The following CCL17 variants were observed in gnomAD, a reference collection of about 807,000 sequenced individuals.
CCL17 encodes C-C motif chemokine 17.
Under a neutral mutation model 7.4 loss-of-function variants are expected in CCL17, and 8 were observed. That is an observed-to-expected ratio of 1.09 (90% CI 0.64 to 1.96). CCL17 has a LOEUF of 1.96. Ranked by LOEUF, CCL17 falls within the 30% of genes most tolerant of loss-of-function variation. The probability of loss-of-function intolerance (pLI) is 0.00; values close to 1 mark genes in which losing one functional copy is unlikely to be tolerated. For missense variants in CCL17, 102 were observed against 113.0 expected (o/e 0.90, Z 0.44); for synonymous variants, 40 against 46.1 (o/e 0.87, Z 0.54).
chr16:57,414,007 G>C lies in CCL17; in HGVS notation c.70+5G>C. ...CTCTGCAGCACATCCACGCAGGTGA[G>C]AGCAGGGGACAGGTGGCCAGGGGCA... On this transcript the variant is annotated splice_donor_5th_base_variant and intron_variant, in intron 2 of 3. Coordinates refer to ENST00000219244, the MANE Select transcript of CCL17 (RefSeq NM_002987.3). 6.2e-7 allele frequency: 1 copy of C among 1,610,288 alleles called. No homozygotes were observed.
the CCL17 span, among the ~76,000 whole-genome samples, chr16:57,397,544 C>T: frequency 1.3e-5 from 2 of 151,642 alleles, no homozygotes; most frequent in African/African-American, 4.8e-5. Flanking sequence ...TGACGGTTTC[C>T]TTCTGCCTTT....
Position 57,415,809 on chromosome 16 carries a change from A to G in CCL17, c.233A>G (p.Asn78Ser). 1.9e-6 allele frequency: 3 copies of G among 1,613,788 alleles called. No homozygotes were observed. The highest frequency in any genetic ancestry group is 2.5e-6 in the Non-Finnish European group (3 of 1,179,662). The change falls in exon 4 of 4, where the codon AAC becomes AGC. Residue 78 changes from asparagine (N) to serine (S), a missense_variant. Transcript: ENST00000219244. This position sits in a 1 kb window ranked among gnomAD's most constrained non-coding sequence, Gnocchi z 4.5. Reference protein sequence around the residue: ...QGRAICSDPNNKRVKNAVKYL... With the variant: ...QGRAICSDPNSKRVKNAVKYL... ...AGGGCCATCTGTTCGGACCCCAACAACAAGAGAGTGAAGAATGCAGTTAAA... is the reference window on the plus strand; with the variant it reads ...AGGGCCATCTGTTCGGACCCCAACAGCAAGAGAGTGAAGAATGCAGTTAAA...
chr16:57,411,020 T>C (rs1458224161), intron 1 of CCL17, among the ~76,000 whole-genome samples: 1 of 152,118 alleles, frequency 6.6e-6, no homozygotes, highest in Non-Finnish European at 1.5e-5. Context: ...CTCTGCACAT[T>C]CCCCTCTCTG....
chr16:57,399,824 T>A (rs1902566370), upstream of CCL17, among the ~76,000 whole-genome samples: 1 of 152,206 alleles, frequency 6.6e-6, no homozygotes, highest in Non-Finnish European at 1.5e-5. Context: ...TTTCTCATTG[T>A]CATCCCTGTC....
At chr16:57,414,531 G>A (rs1292603612) in intron 2 of CCL17, among the ~76,000 whole-genome samples, 2 of 137,538 alleles carry the variant, frequency 1.5e-5, no homozygotes, top group African/African-American at 5.5e-5. Context: ...CGATTCTCCT[G>A]CCTCAGCCTC....
chr16:57,415,162 A>T lies in CCL17; in HGVS notation c.152A>T (p.Tyr51Phe). The T allele has an allele frequency of 6.2e-7, 1 of 1,613,640 alleles. No individual in the cohort carries two copies. The highest frequency in any genetic ancestry group is 2.2e-5 in the East Asian group (1 of 44,874). ...AIPLRKLKTW[Y>F]QTSEDCSRDA... is the part of the protein sequence containing the mutation. The stretch of plus-strand genomic sequence containing the variant: ...CCCCTTAGAAAGCTGAAGACGTGGT[A>T]CCAGACATCTGAGGACTGCTCCAGG... Residue 51 changes from tyrosine (Y) to phenylalanine (F), a missense_variant, in exon 3 of 4, where the codon TAC becomes TTC. Physicochemically the swap from Tyr to Phe is conservative, Grantham distance 22. Transcript: ENST00000219244. The surrounding 1 kb of genome is among the most constrained non-coding windows in gnomAD (Gnocchi z 4.5).
the CCL17 span, among the ~76,000 whole-genome samples, chr16:57,399,510 G>A: frequency 5.3e-5 from 8 of 152,262 alleles, no homozygotes; most frequent in East Asian, 1.5e-3. Flanking sequence ...GAGTGCAAAG[G>A]TGGGATCTTG....
At chr16:57,401,112 A>G (rs1355790935), upstream of CCL17, among the ~76,000 whole-genome samples, 1 of 152,162 alleles carries the variant, frequency 6.6e-6, no homozygotes, top group Non-Finnish European at 1.5e-5. Context: ...GCATACAATG[A>G]TGAAAAGAAA....
At chr16:57,402,766 A>G (rs1406836677), upstream of CCL17, among the ~76,000 whole-genome samples, 1 of 152,154 alleles carries the variant, frequency 6.6e-6, no homozygotes, top group Non-Finnish European at 1.5e-5. Flanking sequence ...GAGAGTAACA[A>G]GAAGGGTTTC....
At chr16:57,407,010 GATT>G (rs1471149424) in intron 1 of CCL17, among the ~76,000 whole-genome samples, 21 of 152,190 alleles carry the variant, frequency 1.4e-4, no homozygotes, top group Non-Finnish European at 2.9e-5. Flanking sequence ...CATTGCTGAG[GATT>G]AATTAAATCA....
upstream of CCL17, among the ~76,000 whole-genome samples, chr16:57,402,139 C>G (rs933330315): frequency 8.5e-5 from 13 of 152,202 alleles, no homozygotes; most frequent in African/African-American, 3.1e-4. Context: ...AAAGGGCTCT[C>G]TAGGGACTCC....
chr16:57,415,078 C>A lies in CCL17; in HGVS notation c.71-3C>A. ...CACCCCTGCCCCGCTCCTCTCCCTG[C>A]AGCTCGAGGGACCAATGTGGGCCGG... On this transcript the variant is annotated splice_polypyrimidine_tract_variant and splice_region_variant and intron_variant, in intron 2 of 3. Coordinates refer to ENST00000219244, the MANE Select transcript of CCL17 (RefSeq NM_002987.3). The surrounding 1 kb of genome is among the most constrained non-coding windows in gnomAD (Gnocchi z 4.5). The A allele has an allele frequency of 5.0e-6, 8 of 1,603,150 alleles. No individual in the cohort carries two copies. The highest frequency in any genetic ancestry group is 6.8e-6 in the Non-Finnish European group (8 of 1,170,084).
At position 57,415,783 on chromosome 16, in the gene CCL17, C is replaced by A; in HGVS notation, c.207C>A (p.Gly69=). 1 of 1,611,888 alleles carries A rather than the reference C, an allele frequency of 6.2e-7. No individual in the cohort carries two copies. Among genetic ancestry groups the A allele is most frequent in the South Asian group, 1.1e-5 (1 of 91,042 alleles). ...RDAIVFVTVQ[G]RAICSDPNNK... is the part of the protein sequence containing the mutation. ...TGTGTAGTTTTGTAACTGTGCAGGG[C>A]AGGGCCATCTGTTCGGACCCCAACA... Residue 69 remains glycine, a synonymous_variant, in exon 4 of 4, where the codon GGC becomes GGA. Transcript: ENST00000219244. This position sits in a 1 kb window ranked among gnomAD's most constrained non-coding sequence, Gnocchi z 4.5.
intron 1 of CCL17, among the ~76,000 whole-genome samples, chr16:57,412,385 G>A (rs1902799021): frequency 6.6e-6 from 1 of 152,202 alleles, no homozygotes; most frequent in East Asian, 1.9e-4. Flanking sequence ...CCTCTCATAG[G>A]ATCCCTGCCC....
chr16:57,408,202 C>A (rs557371717), intron 1 of CCL17, among the ~76,000 whole-genome samples: 1 of 152,108 alleles, frequency 6.6e-6, no homozygotes, highest in South Asian at 2.1e-4. Context: ...ATCATCCATA[C>A]ACACATCCAC....
chr16:57,405,497 G>A (rs1160242364), intron 1 of CCL17, among the ~76,000 whole-genome samples: 1 of 152,188 alleles, frequency 6.6e-6, no homozygotes, highest in Non-Finnish European at 1.5e-5. Context: ...AAAAAAGGAG[G>A]CTGGTGTGAG....
At position 57,415,950 on chromosome 16, in the gene CCL17, G is replaced by A; in HGVS notation, c.*89G>A. 1.2e-6 allele frequency: 1 copy of A among 838,512 alleles called. No individual in the cohort carries two copies. Among genetic ancestry groups the A allele is most frequent in the South Asian group, 1.4e-5 (1 of 69,034 alleles). The allele number at this position is 838,512 out of a possible 1,614,324, so 51.9% of individuals were successfully genotyped here. On this transcript the variant is annotated 3_prime_UTR_variant, in exon 4 of 4. Coordinates refer to ENST00000219244, the MANE Select transcript of CCL17 (RefSeq NM_002987.3). This position sits in a 1 kb window ranked among gnomAD's most constrained non-coding sequence, Gnocchi z 4.5. Reference sequence around the variant, plus strand: ...TCACCGCCCCCACCCTGAGCGCCTGGGTCCAGGGGAGGCCTTCCAGGGACG... The same window carrying A: ...TCACCGCCCCCACCCTGAGCGCCTGAGTCCAGGGGAGGCCTTCCAGGGACG...
At chr16:57,401,968 G>A (rs1304544911), upstream of CCL17, among the ~76,000 whole-genome samples, 1 of 152,216 alleles carries the variant, frequency 6.6e-6, no homozygotes, top group East Asian at 1.9e-4. Flanking sequence ...CTGAGACAGT[G>A]GAGAGAGCCC....
the CCL17 span, among the ~76,000 whole-genome samples, chr16:57,398,669 T>C: frequency 6.6e-6 from 1 of 152,238 alleles, no homozygotes; most frequent in Non-Finnish European, 1.5e-5. Context: ...CTGGTTCCTC[T>C]GGCTAAGATT....
Sources: allele counts gnomAD v4.1 joint callset (sites outside exome capture counted in the v4.1 genomes callset), GRCh38; gene constraint gnomAD v4.1.1; non-coding constraint Gnocchi (gnomAD v3.1); transcripts MANE v1.5; gene names NCBI Gene and HGNC (gene_info 2026-07-23, HGNC 2026-07-21).